IRAG1: variants seen among roughly 807,000 people sequenced by gnomAD.
IRAG1 encodes IP3R-associated cGMP kinase substrate.
IRAG1 carries 62 observed loss-of-function variants against 106.2 expected under a neutral mutation model. The observed-to-expected ratio is 0.58, with a 90% confidence interval of 0.48 to 0.72. The LOEUF is 0.72. Ranked by LOEUF, IRAG1 falls within the 30% of genes least tolerant of loss-of-function variation. The probability of loss-of-function intolerance (pLI) is 0.00; values close to 1 mark genes in which losing one functional copy is unlikely to be tolerated. For missense variants in IRAG1, 1,064 were observed against 1,140.7 expected (o/e 0.93, Z 0.97); for synonymous variants, 462 against 443.9 (o/e 1.04, Z -0.51).
chr11:10,605,295 GAGTGGT>G (rs1250938507), intron 12 of IRAG1, among the ~76,000 whole-genome samples: 1 of 152,228 alleles, frequency 6.6e-6, no homozygotes, highest in African/African-American at 2.4e-5. Context: ...CATCTGCCCT[GAGTGGT>G]AGCAGATTTA....
At chr11:10,599,040 C>T (rs1461358880) in intron 15 of IRAG1, among the ~76,000 whole-genome samples, 1 of 152,292 alleles carries the variant, frequency 6.6e-6, no homozygotes, top group East Asian at 1.9e-4. Context: ...TGAGGTATAG[C>T]TTGGAAGAAC....
At chr11:10,671,162 G>A (rs1350003438) in intron 1 of IRAG1, among the ~76,000 whole-genome samples, 1 of 152,120 alleles carries the variant, frequency 6.6e-6, no homozygotes, top group Non-Finnish European at 1.5e-5. Context: ...CTCTAGACTA[G>A]GTCCCAAGAA....
chr11:10,658,038 G>T (rs746111809), intron 1 of IRAG1, among the ~76,000 whole-genome samples: 5 of 152,164 alleles, frequency 3.3e-5, no homozygotes, highest in Non-Finnish European at 5.9e-5. Flanking sequence ...GTGAAAGCAG[G>T]CGTCCTTCGG....
Position 10,581,914 on chromosome 11 carries a change from A to G in IRAG1, c.2313T>C (p.Leu771=). The G allele has an allele frequency of 1.9e-6, 3 of 1,613,870 alleles. No individual in the cohort carries two copies. The highest frequency in any genetic ancestry group is 2.5e-6 in the Non-Finnish European group (3 of 1,179,802). ...CCATCCTGGCCTTGGTCTCCTGACTAAGCTCCTCCAGGCAGCTCAGGGTCA... is the reference window on the plus strand; with the variant it reads ...CCATCCTGGCCTTGGTCTCCTGACTGAGCTCCTCCAGGCAGCTCAGGGTCA... The part of the protein sequence containing the change: ...PALTLSCLEE[L]SQETKARMEE... The change falls in exon 19 of 21, where the codon CTT becomes CTC. Residue 771 remains leucine (L), a synonymous_variant. Transcript: ENST00000423302.
intron 10 of IRAG1, among the ~76,000 whole-genome samples, chr11:10,611,949 GAGA>G (rs75697165): frequency 0.35 from 52,596 of 151,876 alleles, 10,548 homozygotes; most frequent in East Asian, 0.69. Context: ...TCTTACTGAT[GAGA>G]AGAAGAGAGG....
intron 1 of IRAG1, among the ~76,000 whole-genome samples, chr11:10,692,535 T>C (rs1157173992): frequency 2.6e-4 from 40 of 151,998 alleles, no homozygotes; most frequent in Admixed American, 2.6e-3. Context: ...GTGGGGGCAA[T>C]ACAATCCTTG....
In IRAG1 at chr11:10,665,839, G is replaced by A. The variant is rs1043871309; in HGVS notation, c.68-13657C>T. On this transcript the variant is annotated intron_variant, in intron 1 of 20. Transcript: ENST00000423302. This position sits in a 1 kb window ranked among gnomAD's most constrained non-coding sequence, Gnocchi z 4.2. ...GGTGGGTGTGTACACAAGAAGACAC[G>A]TGATAAAGTAAAAGTGAGCAGTCCC... Among the ~76,000 whole-genome samples the A allele has an allele frequency of 2.0e-5, 3 of 152,316 alleles. No homozygotes were observed. Among genetic ancestry groups the A allele is most frequent in the Non-Finnish European group, 4.4e-5 (3 of 68,038 alleles).
In IRAG1 at chr11:10,659,575, C is replaced by A. The variant is rs567964069; in HGVS notation, c.68-7393G>T. Among the ~76,000 whole-genome samples the A allele has an allele frequency of 6.6e-6, 1 of 152,150 alleles. No individual in the cohort carries two copies. The highest frequency in any genetic ancestry group is 1.5e-5 in the Non-Finnish European group (1 of 68,016). On this transcript the variant is annotated intron_variant, in intron 1 of 20. Coordinates refer to ENST00000423302, the MANE Select transcript of IRAG1 (RefSeq NM_130385.4). The surrounding 1 kb of genome is among the most constrained non-coding windows in gnomAD (Gnocchi z 4.1). ...ATTTTCTCCAGCCCTGCTCTCCGCT[C>A]CTGTGGAGCTCGTATAGGCTTTGTT...
intron 1 of IRAG1, among the ~76,000 whole-genome samples, chr11:10,671,072 T>C (rs1860180448): frequency 6.6e-6 from 1 of 152,232 alleles, no homozygotes; most frequent in Non-Finnish European, 1.5e-5. Flanking sequence ...GATCAATACA[T>C]TTTGGAGAAT....
chr11:10,619,650 C>G (rs1260576391), intron 10 of IRAG1, among the ~76,000 whole-genome samples: 3 of 152,166 alleles, frequency 2.0e-5, no homozygotes, highest in African/African-American at 7.2e-5. Flanking sequence ...AAAATGTATG[C>G]CAGGTTCCTG....
intron 1 of IRAG1, among the ~76,000 whole-genome samples, chr11:10,680,234 C>T (rs1419547892): frequency 7.2e-6 from 1 of 139,582 alleles, no homozygotes; most frequent in Admixed American, 7.5e-5. Context: ...GATTACACCA[C>T]TACACTCCAG....
In IRAG1 at chr11:10,688,601, C is replaced by G. The variant is rs181243742; in HGVS notation, c.67+4935G>C. Among the ~76,000 whole-genome samples the G allele has an allele frequency of 5.3e-5, 8 of 152,190 alleles. No homozygotes were observed. In the East Asian group the frequency reaches 9.7e-4, roughly 18 times the overall value. On this transcript the variant is annotated intron_variant, in intron 1 of 20. Transcript: ENST00000423302. ...TGTATAGTCTCATCCCTCTCAGCCT[C>G]TCTCATTGAGCCCATTGGTTCCTAA...
chr11:10,646,130 C>G (rs1052268857), intron 2 of IRAG1, among the ~76,000 whole-genome samples: 1 of 152,196 alleles, frequency 6.6e-6, no homozygotes, highest in African/African-American at 2.4e-5. Flanking sequence ...CTGGAACTCC[C>G]TGGCTGCTTG....
chr11:10,672,504 A>C lies in IRAG1; in HGVS notation c.68-20322T>G, dbSNP rs561395546. On this transcript the variant is annotated intron_variant, in intron 1 of 20. Transcript: ENST00000423302. ...AAAAGACAAGTAATACAATTTTTAA[A>C]TGGGCAAAATATTTGAATACACATG... Among the ~76,000 whole-genome samples the C allele has an allele frequency of 6.6e-5, 10 of 152,374 alleles. No individual in the cohort carries two copies. In the South Asian group the frequency reaches 2.1e-3, roughly 32 times the overall value.
In IRAG1 at chr11:10,617,256, A is replaced by G. The variant is rs559361143; in HGVS notation, c.1447+6522T>C. On this transcript the variant is annotated intron_variant, in intron 10 of 20. Transcript: ENST00000423302. ...AAGAGCCACCATTTACTGAACATCA[A>G]CTATGCAGTAGATACACTTTGTCAT... 18 of 887,536 alleles carry G rather than the reference A, an allele frequency of 2.0e-5. No individual in the cohort carries two copies. In the South Asian group the frequency reaches 8.8e-4, roughly 43 times the overall value. 55.0% of individuals were successfully genotyped at this position (887,536 alleles called of 1,614,324 possible).
chr11:10,604,588 C>A, intron 12 of IRAG1, 43 bp from the exon 13 acceptor site: 3 of 1,612,512 alleles, frequency 1.9e-6, no homozygotes, highest in Non-Finnish European at 2.5e-6. Flanking sequence ...GGAGGAGTTA[C>A]TGCAGAGGAC....
In IRAG1 at chr11:10,680,228, A is replaced by G. The variant is rs531025092; in HGVS notation, c.67+13308T>C. Reference sequence around the variant, plus strand: ...GTGGAGGTTGCAGTGAGCAGAGATTACACCACTACACTCCAGTCTGGGCAA... The same window carrying G: ...GTGGAGGTTGCAGTGAGCAGAGATTGCACCACTACACTCCAGTCTGGGCAA... On this transcript the variant is annotated intron_variant, in intron 1 of 20. Coordinates refer to ENST00000423302, the MANE Select transcript of IRAG1 (RefSeq NM_130385.4). 1.1e-4 allele frequency among the ~76,000 whole-genome samples: 16 copies of G among 148,622 alleles called. No homozygotes were observed. The East Asian group carries it at 1.4e-3, about 13-fold the overall frequency.
At chr11:10,650,732 G>C (rs1305931684) in intron 2 of IRAG1, among the ~76,000 whole-genome samples, 2 of 152,178 alleles carry the variant, frequency 1.3e-5, no homozygotes, top group Non-Finnish European at 2.9e-5. Flanking sequence ...GCCTGGACTT[G>C]ATAAAACCCT....
intron 1 of IRAG1, among the ~76,000 whole-genome samples, chr11:10,680,306 G>A (rs1430088438): frequency 2.7e-5 from 3 of 110,886 alleles, no homozygotes; most frequent in Middle Eastern, 4.1e-3. Context: ...GAGAGAGAGG[G>A]AGGGAGGGAG....
Sources: gnomAD v4.1 joint callset for allele counts (sites outside exome capture counted in the v4.1 genomes callset) on GRCh38, gnomAD v4.1.1 for gene constraint, Gnocchi (gnomAD v3.1) non-coding constraint, MANE v1.5 for transcripts, NCBI Gene and HGNC (gene_info 2026-07-23, HGNC 2026-07-21) for gene names.